The following DENND2A variants were observed in gnomAD, a reference collection of about 807,000 sequenced individuals.
The protein encoded by DENND2A is DENN domain-containing protein 2A.
DENND2A carries 53 observed loss-of-function variants against 105.3 expected under a neutral mutation model. The observed-to-expected ratio is 0.50, with a 90% CI of 0.40 to 0.63. The LOEUF (loss-of-function observed/expected upper bound fraction) is 0.63. DENND2A is among the 30% of genes least tolerant of loss of function. The pLI is 0.00. For synonymous variants in DENND2A, 522 were observed against 508.4 expected, an observed-to-expected ratio of 1.03 and a Z score of -0.36; for missense variants, 1,138 against 1,279.6, an observed-to-expected ratio of 0.89 and a Z score of 1.69.
In DENND2A at chr7:140,531,771, C is replaced by T. The variant is rs191190308; in HGVS notation, c.2328-4276G>A. Among the ~76,000 whole-genome samples the T allele has an allele frequency of 7.3e-5, 11 of 151,270 alleles. 2 individuals are homozygous for T. Among genetic ancestry groups the T allele is most frequent in the South Asian group, 4.2e-4 (2 of 4,818 alleles). Reference sequence around the variant, plus strand: ...CGGAGGTTGCAGTGAGCCGAGAATACGCCATTGCACCCCAGGCTGGGCAAC... The same window carrying T: ...CGGAGGTTGCAGTGAGCCGAGAATATGCCATTGCACCCCAGGCTGGGCAAC... On this transcript the variant is annotated intron_variant, in intron 14 of 19. Coordinates refer to ENST00000496613, the MANE Select transcript of DENND2A (RefSeq NM_015689.5).
chr7:140,569,740 T>C lies in DENND2A; in HGVS notation c.1447-2A>G. On this transcript the variant is annotated splice_acceptor_variant, in intron 6 of 19. Coordinates refer to ENST00000496613, the MANE Select transcript of DENND2A (RefSeq NM_015689.5). LOFTEE classifies it high-confidence loss of function. ...AATGGCGTTGATTCGCAACACCAGC[T>C]GCCAGACACCAGGAGAAGAACAGCC... The C allele has an allele frequency of 6.2e-7, 1 of 1,608,488 alleles. No individual in the cohort carries two copies. The highest frequency in any genetic ancestry group is 1.3e-5 in the African/African-American group (1 of 74,940).
Position 140,624,877 on chromosome 7 carries a change from T to TG in DENND2A, c.-248+15626_-248+15627insC, listed in dbSNP as rs537590217. On this transcript the variant is annotated intron_variant, in intron 1 of 19. Coordinates refer to ENST00000496613, the MANE Select transcript of DENND2A (RefSeq NM_015689.5). The stretch of plus-strand genomic sequence containing the variant: ...TTTTTTGTTTTTTTTTGTTTTTTTT[T>TG]TTTTGCTTTTTGAGACAGCATCTCT... Among the ~76,000 whole-genome samples, 138 of 149,226 alleles carry TG rather than the reference T, an allele frequency of 9.2e-4. 1 individual carries two copies. Among genetic ancestry groups the TG allele is most frequent in the African/African-American group, 3.2e-3 (129 of 39,822 alleles).
Position 140,631,343 on chromosome 7 carries a change from T to C in DENND2A, c.-248+9161A>G, listed in dbSNP as rs148430648. ...CTCTTTCTCGTTTTCTCTGACAAATTGGCAGCCTGAACCTCGGGGTTGTGT... is the reference window on the plus strand; with the variant it reads ...CTCTTTCTCGTTTTCTCTGACAAATCGGCAGCCTGAACCTCGGGGTTGTGT... On this transcript the variant is annotated intron_variant, in intron 1 of 19. Transcript: ENST00000496613. Among the ~76,000 whole-genome samples the C allele has an allele frequency of 2.3e-3, 348 of 152,266 alleles. 2 individuals carry two copies. The highest frequency in any genetic ancestry group is 4.1e-3 in the Admixed American group (63 of 15,280).
At chr7:140,544,884 A>G (rs1309580562) in intron 13 of DENND2A, 118 bp from the exon 14 acceptor site, 2 of 1,475,152 alleles carry the variant, frequency 1.4e-6, no homozygotes. Flanking sequence ...CTGGTGGGGG[A>G]AAAGGGAAAG....
chr7:140,619,902 A>T (rs180780796), intron 1 of DENND2A, among the ~76,000 whole-genome samples: 883 of 152,184 alleles, frequency 5.8e-3, no homozygotes, highest in Admixed American at 0.012. Context: ...ATTTAAAAAG[A>T]AAATTTTAGG....
rs181100205 is a variant in DENND2A, at chr7:140,577,887, C to A, written c.1246-3879G>T. On this transcript the variant is annotated intron_variant, in intron 5 of 19. Transcript: ENST00000496613. Reference sequence around the variant, plus strand: ...GGAACCAGCAGTTGCTTGTCACACCCAGAACTATGGCATAAAAGGGAAGTC... The same window carrying A: ...GGAACCAGCAGTTGCTTGTCACACCAAGAACTATGGCATAAAAGGGAAGTC... Among the ~76,000 whole-genome samples the A allele has an allele frequency of 4.6e-5, 7 of 152,212 alleles. No homozygotes were observed. In the East Asian group the frequency reaches 1.4e-3, roughly 29 times the overall value.
At chr7:140,592,372 A>AT (rs962696033) in intron 3 of DENND2A, among the ~76,000 whole-genome samples, 74 of 151,320 alleles carry the variant, frequency 4.9e-4, no homozygotes, top group African/African-American at 1.7e-3. Flanking sequence ...ATGCCCAGCT[A>AT]TTTTTTAAAA....
chr7:140,519,554 G>T, intron 19 of DENND2A, 78 bp downstream of exon 19: 1 of 1,331,414 alleles, frequency 7.5e-7, no homozygotes, highest in East Asian at 2.3e-5. Flanking sequence ...GCTGGCTCCA[G>T]TGGAGGGAAC....
intron 1 of DENND2A, among the ~76,000 whole-genome samples, chr7:140,633,354 G>T (rs906761501): frequency 1.3e-5 from 2 of 151,746 alleles, no homozygotes; most frequent in South Asian, 2.1e-4. Flanking sequence ...TATAGAGATG[G>T]GGTTTGGCCA....
intron 14 of DENND2A, among the ~76,000 whole-genome samples, chr7:140,540,779 A>G (rs1435391236): frequency 6.6e-6 from 1 of 151,330 alleles, no homozygotes; most frequent in African/African-American, 2.4e-5. Context: ...GTGCGATGGC[A>G]TGATCTCGGC....
chr7:140,592,043 CTT>C (rs541459225), intron 3 of DENND2A, among the ~76,000 whole-genome samples: 4 of 107,374 alleles, frequency 3.7e-5, no homozygotes, highest in Non-Finnish European at 5.6e-5. Context: ...TTTTCTTCTT[CTT>C]TTTTTTTTTT....
At chr7:140,603,467 G>T (rs1267968557) in intron 2 of DENND2A, among the ~76,000 whole-genome samples, 1 of 152,148 alleles carries the variant, frequency 6.6e-6, no homozygotes, top group African/African-American at 2.4e-5. Flanking sequence ...GATTCAAGTG[G>T]GCAAAGCCAC....
chr7:140,540,911 T>A (rs1043259351), intron 14 of DENND2A, among the ~76,000 whole-genome samples: 1 of 152,002 alleles, frequency 6.6e-6, no homozygotes, highest in African/African-American at 2.4e-5. Context: ...AGAGACGGGA[T>A]TTCACCATGT....
chr7:140,546,475 G>A lies in DENND2A; in HGVS notation c.2178+324C>T, dbSNP rs1020686680. On this transcript the variant is annotated intron_variant, in intron 13 of 19. Coordinates refer to ENST00000496613, the MANE Select transcript of DENND2A (RefSeq NM_015689.5). ...TGATACAGACTTGAAATGTAAATAG[G>A]TTTCAATAAAATGTATGAAAGAAAA... Among the ~76,000 whole-genome samples, 4 of 152,140 alleles carry A rather than the reference G, an allele frequency of 2.6e-5. 1 individual carries two copies. The highest frequency in any genetic ancestry group is 2.6e-4 in the Admixed American group (4 of 15,272).
chr7:140,602,324 A>G lies in DENND2A; in HGVS notation c.74T>C (p.Leu25Pro), dbSNP rs759175577. 13 of 1,602,372 alleles carry G rather than the reference A, an allele frequency of 8.1e-6. No individual in the cohort carries two copies. Among genetic ancestry groups the G allele is most frequent in the Non-Finnish European group, 1.1e-5 (13 of 1,178,652 alleles). ...AEASRAGKKQLRGVQNPCPSA... is the reference protein window; with the variant it reads ...AEASRAGKKQPRGVQNPCPSA... Reference sequence around the variant, plus strand: ...TGGGCAAGGGTTCTGAACACCTCTGAGCTGCTTCTTCCCAGCCCTGCTGGC... The same window carrying G: ...TGGGCAAGGGTTCTGAACACCTCTGGGCTGCTTCTTCCCAGCCCTGCTGGC... Residue 25 changes from leucine to proline, a missense_variant, in exon 3 of 20, where the codon CTC (leucine) becomes CCC (proline). By Grantham distance (98) the Leu-to-Pro change is moderately conservative. Transcript: ENST00000496613.
intron 1 of DENND2A, among the ~76,000 whole-genome samples, chr7:140,607,926 A>C (rs1799752589): frequency 6.6e-6 from 1 of 152,220 alleles, no homozygotes; most frequent in Non-Finnish European, 1.5e-5. Flanking sequence ...AAAGATGAGT[A>C]AGAGTCTCTG....
intron 11 of DENND2A, among the ~76,000 whole-genome samples, chr7:140,557,527 A>AT (rs1563139259): frequency 1.2e-4 from 4 of 33,174 alleles, no homozygotes; most frequent in Admixed American, 9.0e-4. Context: ...ATATATATAT[A>AT]TATATTTTTT....
chr7:140,540,721 T>C (rs1796627070), intron 14 of DENND2A, among the ~76,000 whole-genome samples: 1 of 150,376 alleles, frequency 6.6e-6, no homozygotes, highest in Non-Finnish European at 1.5e-5. Context: ...GGTTTCTTTC[T>C]TTCTTTTTTT....
chr7:140,541,357 G>T (rs116515700), intron 14 of DENND2A, among the ~76,000 whole-genome samples: 56 of 152,112 alleles, frequency 3.7e-4, no homozygotes, highest in African/African-American at 1.3e-3. Flanking sequence ...TCTCAGGGTG[G>T]GTCCTCCCCA....
Sources: gnomAD v4.1 joint callset for allele counts (sites outside exome capture counted in the v4.1 genomes callset) on GRCh38, gnomAD v4.1.1 for gene constraint, MANE v1.5 for transcripts, NCBI Gene and HGNC (gene_info 2026-07-23, HGNC 2026-07-21) for gene names.